Variants in FAS observed in about 807,000 individuals in gnomAD.
FAS encodes Fas cell surface death receptor.
FAS carries 5 observed loss-of-function variants against 33.2 expected under a neutral mutation model. The ratio of observed to expected loss-of-function variants is 0.15; its 90% CI spans 0.08 to 0.32. FAS has a LOEUF of 0.32. Among genes scored for constraint, FAS ranks in the 10% least tolerant of loss-of-function variants. The pLI is 1.00. For missense variants in FAS, 339 were observed against 386.0 expected, an observed-to-expected ratio of 0.88 and a Z score of 1.02; for synonymous variants, 131 against 130.7, an observed-to-expected ratio of 1.00 and a Z score of -0.01.
At chr10:88,973,401 G>A (rs529840168) in intron 2 of FAS, 26 of 1,340,656 alleles carry the variant, frequency 1.9e-5, no homozygotes, top group Admixed American at 8.1e-5. Context: ...TAGAGTTCCC[G>A]ATGAAAACAA....
intron 1 of FAS, among the ~76,000 whole-genome samples, chr10:88,993,237 T>C (rs1479678829): frequency 1.3e-5 from 2 of 152,182 alleles, no homozygotes; most frequent in Non-Finnish European, 2.9e-5. Context: ...GTTGACAAAT[T>C]TCTAAAGGAG....
intron 2 of FAS, chr10:88,973,446 T>G: frequency 1.9e-6 from 2 of 1,062,984 alleles, no homozygotes; most frequent in Non-Finnish European, 2.5e-6. Context: ...TGCCTTTCCT[T>G]TCTAAAGAAA....
In FAS at chr10:89,015,605, A is replaced by T. The variant is rs1394101274; in HGVS notation, c.*1155A>T. ...AAATATCTTTGAAAGTTTGTATTAA[A>T]TGTGAATTTTAAGAAATAATATTTA... is the stretch of plus-strand genomic sequence containing the variant. On this transcript the variant is annotated 3_prime_UTR_variant, in exon 9 of 9. Transcript: ENST00000652046. 1 of 505,020 alleles carries T rather than the reference A, an allele frequency of 2.0e-6. No homozygotes were observed. 31.3% of individuals were successfully genotyped at this position (505,020 alleles called of 1,614,324 possible).
chr10:88,984,097 A>G (rs919170213), upstream of FAS, among the ~76,000 whole-genome samples: 3 of 152,166 alleles, frequency 2.0e-5, no homozygotes, highest in African/African-American at 7.2e-5. Flanking sequence ...TCACAGAGCT[A>G]TTCTAGTTCT....
In FAS at chr10:89,013,954, A is replaced by G. The variant is rs1477583779; in HGVS notation, c.677-165A>G. 4 of 685,460 alleles carry G rather than the reference A, an allele frequency of 5.8e-6. No individual in the cohort carries two copies. In the African/African-American group the frequency reaches 7.2e-5, roughly 12 times the overall value. 42.5% of individuals were successfully genotyped at this position (685,460 alleles called of 1,614,324 possible). A position where few individuals can be genotyped will look rare whatever the true frequency, so the allele number is the denominator to read the frequency against. ...TGGGTATATGGCAGGATTTGGAGTT[A>G]GAACTCAAGGTTGTCTTGTTTCTGT... On this transcript the variant is annotated intron_variant, in intron 8 of 8. Coordinates refer to ENST00000652046, the MANE Select transcript of FAS (RefSeq NM_000043.6).
intron 1 of FAS, among the ~76,000 whole-genome samples, chr10:88,997,089 T>C (rs2133432277): frequency 6.6e-6 from 1 of 152,360 alleles, no homozygotes; most frequent in Non-Finnish European, 1.5e-5. Context: ...CATTAGTCTA[T>C]AAAACTCTTA....
intron 1 of FAS, among the ~76,000 whole-genome samples, chr10:88,972,855 T>C (rs1846480546): frequency 6.6e-6 from 1 of 152,184 alleles, no homozygotes; most frequent in Non-Finnish European, 1.5e-5. Context: ...TTTCTGATTG[T>C]TTTTCCAGTG....
At chr10:88,964,115 A>G (rs1034301993) in intron 1 of FAS, among the ~76,000 whole-genome samples, 6 of 151,990 alleles carry the variant, frequency 3.9e-5, no homozygotes, top group Admixed American at 2.0e-4. Context: ...TTAGTTTCAT[A>G]TATTTACTTT....
At chr10:88,975,318 C>T (rs1379447118) in intron 2 of FAS, among the ~76,000 whole-genome samples, 1 of 152,110 alleles carries the variant, frequency 6.6e-6, no homozygotes, top group Non-Finnish European at 1.5e-5. Flanking sequence ...TACAGAGCAG[C>T]GTGTGCATTT....
intron 2 of FAS, among the ~76,000 whole-genome samples, chr10:89,004,126 AAC>A (rs1177293875): frequency 5.3e-5 from 8 of 152,214 alleles, no homozygotes; most frequent in African/African-American, 1.9e-4. Flanking sequence ...TAACCTGCTA[AAC>A]ACAATCAATT....
At chr10:88,991,173 G>A in intron 1 of FAS, 1 of 582,950 alleles carries the variant, frequency 1.7e-6, no homozygotes, top group Non-Finnish European at 3.1e-6. Context: ...AGGCGGGGCA[G>A]CTCCGGCGCT....
Position 89,015,601 on chromosome 10 carries a change from T to C in FAS, c.*1151T>C, listed in dbSNP as rs761648213. 17 of 506,506 alleles carry C rather than the reference T, an allele frequency of 3.4e-5. No individual in the cohort carries two copies. The highest frequency in any genetic ancestry group is 2.0e-4 in the East Asian group (5 of 25,212). The allele number at this position is 506,506 out of a possible 1,614,324, so 31.4% of individuals were successfully genotyped here. A position where few individuals can be genotyped will look rare whatever the true frequency, so the allele number is the denominator to read the frequency against. On this transcript the variant is annotated 3_prime_UTR_variant, in exon 9 of 9. Transcript: ENST00000652046. The stretch of plus-strand genomic sequence containing the variant: ...GTTTAAATATCTTTGAAAGTTTGTA[T>C]TAAATGTGAATTTTAAGAAATAATA...
At chr10:88,989,188 T>C (rs140251867), upstream of FAS, among the ~76,000 whole-genome samples, 407 of 152,284 alleles carry the variant, frequency 2.7e-3, no homozygotes, top group African/African-American at 9.4e-3. Context: ...GTAAGGAAGA[T>C]CCACATATGT....
intron 1 of FAS, among the ~76,000 whole-genome samples, chr10:88,969,389 C>G (rs954111714): frequency 7.2e-5 from 11 of 152,220 alleles, no homozygotes; most frequent in Non-Finnish European, 1.3e-4. Context: ...GCTTGTAAGG[C>G]TGAATGGTCA....
upstream of FAS, among the ~76,000 whole-genome samples, chr10:88,982,682 A>G (rs531132789): frequency 6.6e-6 from 1 of 152,242 alleles, no homozygotes; most frequent in African/African-American, 2.4e-5. Context: ...TTTTCTTGAT[A>G]GGAAAATGTA....
intron 7 of FAS, 132 bp from the exon 8 acceptor site, chr10:89,013,211 T>C: frequency 3.7e-6 from 3 of 817,806 alleles, no homozygotes; most frequent in Non-Finnish European, 5.8e-6. Flanking sequence ...TTAATCTAGC[T>C]TCCTAATTTT....
chr10:88,998,346 G>GC (rs1491159709), intron 1 of FAS, among the ~76,000 whole-genome samples: 2 of 78,670 alleles, frequency 2.5e-5, no homozygotes, highest in East Asian at 2.4e-3. Context: ...TTAAAAAAAA[G>GC]CAAAAAAAAA....
upstream of FAS, among the ~76,000 whole-genome samples, chr10:88,985,912 A>G (rs990052978): frequency 2.6e-5 from 4 of 152,172 alleles, no homozygotes; most frequent in Admixed American, 2.6e-4. Context: ...TTGGGAAACA[A>G]TTTTTATTGG....
At chr10:89,001,329 CAG>C (rs1286421788) in intron 1 of FAS, among the ~76,000 whole-genome samples, 16 of 145,444 alleles carry the variant, frequency 1.1e-4, no homozygotes, top group African/African-American at 1.8e-4. Context: ...TCAATAAAAA[CAG>C]GGGGTAAGAA....
Sources: allele counts gnomAD v4.1 joint callset (sites outside exome capture counted in the v4.1 genomes callset), GRCh38; gene constraint gnomAD v4.1.1; transcripts MANE v1.5; gene names NCBI Gene and HGNC (gene_info 2026-07-23, HGNC 2026-07-21).